DNASE1: variants seen among roughly 807,000 people sequenced by gnomAD.
DNASE1 encodes the protein deoxyribonuclease-1.
Under a neutral mutation model 33.9 loss-of-function variants are expected in DNASE1, and 40 were observed. That is an observed-to-expected ratio of 1.18 (90% CI 0.92 to 1.54). The LOEUF is 1.54. Among genes scored for constraint, DNASE1 ranks in the 40% most tolerant of loss-of-function variants. DNASE1 has a pLI of 0.00. For synonymous variants in DNASE1, 216 were observed against 160.0 expected (o/e 1.35, Z -2.64); for missense variants, 518 against 372.6 (o/e 1.39, Z -3.21).
At chr16:3,657,665 G>A (rs370953034) in intron 7 of DNASE1, 55 bp from the exon 8 acceptor site, 3 of 1,607,436 alleles carry the variant, frequency 1.9e-6, no homozygotes, top group Non-Finnish European at 1.7e-6. Flanking sequence ...TGCGGGTGCT[G>A]AGCCAGGCCC....
At chr16:3,662,089 A>G (rs1567220236), downstream of DNASE1, 3 of 1,613,230 alleles carry the variant, frequency 1.9e-6, no homozygotes, top group South Asian at 2.2e-5. Context: ...CCCCATCTCC[A>G]GCACGGTGAC....
At chr16:3,658,546 G>C (rs2042860250), downstream of DNASE1, 4 of 575,338 alleles carry the variant, frequency 7.0e-6, no homozygotes, top group South Asian at 2.1e-5. Context: ...CCAGGCGCAT[G>C]CCTGTAGTCC....
At chr16:3,658,129 T>G (rs140188034), downstream of DNASE1, 1,283 of 1,613,894 alleles carry the variant, frequency 7.9e-4, 6 homozygotes, top group African/African-American at 0.015. Flanking sequence ...CCCCTGGCTG[T>G]CAGTGTCGCT....
At chr16:3,629,286 G>A (rs1371369527) in intron 1 of DNASE1, among the ~76,000 whole-genome samples, 1 of 151,570 alleles carries the variant, frequency 6.6e-6, no homozygotes, top group Non-Finnish European at 1.5e-5. Context: ...TTTGTTGAAT[G>A]TTTTCATTTT....
exon 10 of DNASE1, chr16:3,663,841 AAGC>A (rs2050753610): frequency 2.3e-6 from 1 of 439,718 alleles, no homozygotes; most frequent in East Asian, 4.2e-5. Flanking sequence ...TGGGAGGCCA[AAGC>A]AGGCAGATCA....
Position 3,657,897 on chromosome 16 carries a change from TGCCTGCAGGCCCAAGCCATCAGTG to T in DNASE1, c.802-8_817del. On this transcript the variant is annotated splice_acceptor_variant and splice_polypyrimidine_tract_variant and coding_sequence_variant and intron_variant, in exon 9 of 9. Coordinates refer to ENST00000246949, the MANE Select transcript of DNASE1 (RefSeq NM_005223.4). LOFTEE classifies it high-confidence loss of function. ...GCTCAGCCCAGACCCTGTGCCCACT[TGCCTGCAGGCCCAAGCCATCAGTG>T]ACCACTATCCAGTGGAGGTGATGCT... The T allele has an allele frequency of 6.2e-7, 1 of 1,614,056 alleles. No homozygotes were observed. The highest frequency in any genetic ancestry group is 1.1e-5 in the South Asian group (1 of 91,078).
At position 3,644,569 on chromosome 16, in the gene DNASE1, A is replaced by G. The variant is rs373422825; in HGVS notation, c.-86+1533A>G. Among the ~76,000 whole-genome samples the G allele has an allele frequency of 6.6e-5, 10 of 152,038 alleles. No individual in the cohort carries two copies. The East Asian group carries it at 1.6e-3, about 24-fold the overall frequency. Reference sequence around the variant, plus strand: ...CAGAGTGACACTGGGTCTCAAAAACATAAAGATTTTACAAAATTAGCCGGG... The same window carrying G: ...CAGAGTGACACTGGGTCTCAAAAACGTAAAGATTTTACAAAATTAGCCGGG... On this transcript the variant is annotated intron_variant, in intron 1 of 9. Coordinates refer to the DNASE1 transcript ENST00000407479.
At chr16:3,625,754 A>G (rs1216771862) in intron 1 of DNASE1, among the ~76,000 whole-genome samples, 1 of 152,242 alleles carries the variant, frequency 6.6e-6, no homozygotes, top group Non-Finnish European at 1.5e-5. Flanking sequence ...ACCATAAAGA[A>G]GTGACAAATT....
rs994753247 is a variant in DNASE1 at position 3,656,203 on chromosome 16, C to G, written c.320+18C>G. ...GTGTACAGGTGGGTGGTCTAGAAAG[C>G]CAGGAAGCCCCTCCCTCACCTGGGA... is the stretch of plus-strand genomic sequence containing the variant. On this transcript the variant is annotated intron_variant, in intron 4 of 8. Coordinates refer to ENST00000246949, the MANE Select transcript of DNASE1 (RefSeq NM_005223.4). 1 of 1,612,888 alleles carries G rather than the reference C, an allele frequency of 6.2e-7. No homozygotes were observed. Among genetic ancestry groups the G allele is most frequent in the Non-Finnish European group, 8.5e-7 (1 of 1,179,242 alleles).
intron 1 of DNASE1, among the ~76,000 whole-genome samples, chr16:3,648,630 C>T (rs943053742): frequency 6.6e-6 from 1 of 152,192 alleles, no homozygotes; most frequent in African/African-American, 2.4e-5. Context: ...GCCTAGACAA[C>T]GTAGTGAGAC....
chr16:3,637,835 G>A (rs144208448), intron 1 of DNASE1, among the ~76,000 whole-genome samples: 2 of 152,148 alleles, frequency 1.3e-5, no homozygotes, highest in Admixed American at 6.6e-5. Context: ...TCCTACCCTC[G>A]TTTCCACTCC....
At chr16:3,639,053 C>T (rs1025592003), upstream of DNASE1, among the ~76,000 whole-genome samples, 5 of 152,138 alleles carry the variant, frequency 3.3e-5, no homozygotes, top group African/African-American at 1.2e-4. Flanking sequence ...TTATCTCTGT[C>T]GTTTCTAGGT....
chr16:3,658,388 G>A (rs570533143), downstream of DNASE1: 53 of 659,566 alleles, frequency 8.0e-5, no homozygotes, highest in Non-Finnish European at 1.3e-4. Flanking sequence ...CCAAAGTGCT[G>A]GGATTACAGG....
At chr16:3,655,718 C>G (rs952385515) in intron 2 of DNASE1, 131 bp from the exon 3 acceptor site, 1 of 1,399,992 alleles carries the variant, frequency 7.1e-7, no homozygotes, top group African/African-American at 1.4e-5. Flanking sequence ...GCAGCAGGAG[C>G]CCAGGCAGAA....
intron 1 of DNASE1, among the ~76,000 whole-genome samples, chr16:3,618,624 G>C (rs2041192193): frequency 1.3e-5 from 2 of 152,172 alleles, no homozygotes; most frequent in South Asian, 4.1e-4. Flanking sequence ...AACTACTCGG[G>C]AGGCTGAGGC....
Position 3,656,158 on chromosome 16 carries a change from A to G in DNASE1, c.293A>G (p.Tyr98Cys). 6.2e-7 allele frequency: 1 copy of G among 1,614,078 alleles called. No homozygotes were observed. Among genetic ancestry groups the G allele is most frequent in the Non-Finnish European group, 8.5e-7 (1 of 1,179,996 alleles). The change falls in exon 4 of 9, where the codon TAT (tyrosine) becomes TGT (cysteine). Residue 98 changes from tyrosine (Y) to cysteine (C), a missense_variant. Tyr to Cys is a radical substitution (Grantham distance 194). Coordinates refer to ENST00000246949, the MANE Select transcript of DNASE1 (RefSeq NM_005223.4). ...VVSEPLGRNSYKERYLFVYRP... is the reference protein window; with the variant it reads ...VVSEPLGRNSCKERYLFVYRP... ...AGTGAGCCACTGGGACGGAACAGCT[A>G]TAAGGAGCGCTACCTGTTCGTGTAC...
In DNASE1 at chr16:3,663,514, G is replaced by A. The variant is rs769933824; in HGVS notation, c.*5561G>A. ...ATCAGCTTCTTCTTGTCAAACTCACGAAGGTGCAGCAGGGTGAGCTCATCA... is the reference window on the plus strand; with the variant it reads ...ATCAGCTTCTTCTTGTCAAACTCACAAAGGTGCAGCAGGGTGAGCTCATCA... On this transcript the variant is annotated 3_prime_UTR_variant, in exon 10 of 10. Coordinates refer to the DNASE1 transcript ENST00000407479. 9.9e-6 allele frequency: 16 copies of A among 1,613,990 alleles called. No homozygotes were observed. Among genetic ancestry groups the A allele is most frequent in the Admixed American group, 3.3e-5 (2 of 60,002 alleles).
intron 1 of DNASE1, among the ~76,000 whole-genome samples, chr16:3,624,159 C>A (rs1056282896): frequency 1.3e-5 from 2 of 151,758 alleles, no homozygotes; most frequent in African/African-American, 4.8e-5. Flanking sequence ...CGCCTGTAAT[C>A]CCAGGAAGCT....
chr16:3,612,463 C>G (rs1364286152), intron 1 of DNASE1, among the ~76,000 whole-genome samples: 3 of 151,222 alleles, frequency 2.0e-5, no homozygotes. Context: ...GTTGCCCAGG[C>G]TGGTCTCCAA....
Sources: gnomAD v4.1 joint callset for allele counts (sites outside exome capture counted in the v4.1 genomes callset) on GRCh38, gnomAD v4.1.1 for gene constraint, MANE v1.5 for transcripts, NCBI Gene and HGNC (gene_info 2026-07-23, HGNC 2026-07-21) for gene names.